The following TBC1D31 variants were observed in gnomAD, a reference collection of about 807,000 sequenced individuals.
The protein encoded by TBC1D31 is TBC1 domain family member 31.
A neutral mutation model predicts 132.9 loss-of-function variants in TBC1D31; 99 were observed. The observed-to-expected ratio is 0.74, with a 90% CI of 0.63 to 0.88. TBC1D31 has a LOEUF of 0.88. TBC1D31 is among the 40% of genes least tolerant of loss of function. The pLI, the probability that TBC1D31 is intolerant of heterozygous loss-of-function variation, is 0.00. For missense variants in TBC1D31, 1,134 were observed against 1,256.6 expected, an observed-to-expected ratio of 0.90 and a Z score of 1.48; for synonymous variants, 385 against 419.4, an observed-to-expected ratio of 0.92 and a Z score of 1.00.
chr8:123,161,749 G>A, the TBC1D31 span, among the ~76,000 whole-genome samples: 1 of 152,020 alleles, frequency 6.6e-6, no homozygotes, highest in Non-Finnish European at 1.5e-5. Context: ...CGGTGCATTG[G>A]CTCACACCTG....
intron 4 of TBC1D31, among the ~76,000 whole-genome samples, chr8:123,085,845 T>C (rs906011379): frequency 3.9e-5 from 6 of 152,246 alleles, no homozygotes; most frequent in Non-Finnish European, 8.8e-5. Flanking sequence ...TTTCCAACTA[T>C]GTAGAAACAT....
intron 2 of TBC1D31, among the ~76,000 whole-genome samples, chr8:123,081,229 C>T (rs1415076611): frequency 2.0e-5 from 3 of 152,162 alleles, no homozygotes; most frequent in African/African-American, 7.2e-5. Context: ...TCATGTTGTG[C>T]TCCCCAGACA....
Position 123,149,956 on chromosome 8 carries a change from C to G in TBC1D31, c.2975-80C>G. The G allele has an allele frequency of 5.1e-6, 5 of 974,092 alleles. No individual in the cohort carries two copies. The South Asian group carries it at 7.5e-5, about 15-fold the overall frequency. 60.3% of individuals were successfully genotyped at this position (974,092 alleles called of 1,614,324 possible). On this transcript the variant is annotated intron_variant, in intron 20 of 21. Transcript: ENST00000287380. Reference sequence around the variant, plus strand: ...TTTTAGCCATCCTTGGTGATTGTAACTTACTAGGGACCATTTGGAATTAGT... The same window carrying G: ...TTTTAGCCATCCTTGGTGATTGTAAGTTACTAGGGACCATTTGGAATTAGT...
chr8:123,144,742 TC>T lies in TBC1D31; in HGVS notation c.2863del (p.Arg955ValfsTer2). On this transcript the variant is annotated frameshift_variant, in exon 20 of 22. Coordinates refer to ENST00000287380, the MANE Select transcript of TBC1D31 (RefSeq NM_145647.4). LOFTEE classifies it high-confidence loss of function. ...KKWKEAEGKEFRLRSAKKASA... is the reference protein window; with the variant it reads ...KKWKEAEGKEXRLRSAKKASA... ...TGGAAGGAAGCTGAAGGAAAAGAGT[TC>T]CGTTTGAGATCAGCAAAGAAAGCTT... is the stretch of plus-strand genomic sequence containing the variant. 1 of 1,606,304 alleles carries T rather than the reference TC, an allele frequency of 6.2e-7. No homozygotes were observed. Among genetic ancestry groups the T allele is most frequent in the Non-Finnish European group, 8.5e-7 (1 of 1,178,250 alleles).
intron 10 of TBC1D31, among the ~76,000 whole-genome samples, chr8:123,110,520 A>G (rs1029286925): frequency 1.2e-4 from 18 of 152,152 alleles, no homozygotes; most frequent in Admixed American, 2.6e-4. Flanking sequence ...AATAATTTTT[A>G]TTATGAAAAA....
chr8:123,128,496 G>A lies in TBC1D31; in HGVS notation c.2100G>A (p.Leu700=), dbSNP rs571729768. Residue 700 remains leucine, a synonymous_variant, in exon 14 of 22, where the codon TTG becomes TTA. Transcript: ENST00000287380. ...QERERIRNDE[L]DYLRERQTVE... ...GAGAAAGAATAAGGAATGATGAATTGGATTACTTAAGAGAGAGGTAATTAT... is the reference window on the plus strand; with the variant it reads ...GAGAAAGAATAAGGAATGATGAATTAGATTACTTAAGAGAGAGGTAATTAT... 1 of 1,603,198 alleles carries A rather than the reference G, an allele frequency of 6.2e-7. No homozygotes were observed. Among genetic ancestry groups the A allele is most frequent in the African/African-American group, 1.3e-5 (1 of 74,722 alleles).
rs769513557 is a variant in TBC1D31 at position 123,084,175 on chromosome 8, A to C, written c.354A>C (p.Leu118=). Residue 118 remains leucine (L), a synonymous_variant, in exon 4 of 22, where the codon CTA becomes CTC. Transcript: ENST00000287380. ...TTTTTACCACAGTCACCAAGGAGCT[A>C]GTTAGCTGGATGAGAGGACATGAAT... ...IKCFDTVTKE[L]VSWMRGHESS... is the part of the protein sequence containing the mutation. 1 of 1,614,102 alleles carries C rather than the reference A, an allele frequency of 6.2e-7. No homozygotes were observed. The highest frequency in any genetic ancestry group is 8.5e-7 in the Non-Finnish European group (1 of 1,179,974).
At chr8:123,131,998 A>G (rs1325216926) in intron 16 of TBC1D31, among the ~76,000 whole-genome samples, 2 of 152,204 alleles carry the variant, frequency 1.3e-5, no homozygotes, top group Non-Finnish European at 2.9e-5. Context: ...CTGTCAGGTT[A>G]GCTTACTTAT....
rs758646380 is a variant in TBC1D31 at position 123,126,204 on chromosome 8, G to T, written c.1704+15G>T. ...TAACCTCCCAGGTAAGAAGCATAAG[G>T]TTTTTAGAATAACATGCCTTATTTT... On this transcript the variant is annotated intron_variant, in intron 12 of 21. Coordinates refer to ENST00000287380, the MANE Select transcript of TBC1D31 (RefSeq NM_145647.4). 6.3e-7 allele frequency: 1 copy of T among 1,595,910 alleles called. No individual in the cohort carries two copies. Among genetic ancestry groups the T allele is most frequent in the South Asian group, 1.2e-5 (1 of 86,160 alleles).
At chr8:123,080,773 G>A (rs1757700176) in intron 2 of TBC1D31, among the ~76,000 whole-genome samples, 2 of 152,084 alleles carry the variant, frequency 1.3e-5, no homozygotes, top group South Asian at 4.1e-4. Context: ...CTGACCTCGT[G>A]ATCCGCCCGC....
chr8:123,137,368 C>T (rs1433017893), intron 17 of TBC1D31, among the ~76,000 whole-genome samples: 1 of 152,202 alleles, frequency 6.6e-6, no homozygotes, highest in Non-Finnish European at 1.5e-5. Flanking sequence ...CAGTGATTCA[C>T]TAGGACTCAC....
chr8:123,090,075 T>G (rs935400396), intron 4 of TBC1D31, among the ~76,000 whole-genome samples: 1 of 152,242 alleles, frequency 6.6e-6, no homozygotes, highest in Non-Finnish European at 1.5e-5. Context: ...CCGCTGATTT[T>G]TGTAAGCAGT....
chr8:123,097,449 A>G lies in TBC1D31; in HGVS notation c.831+8A>G, dbSNP rs985604132. The G allele has an allele frequency of 6.2e-7, 1 of 1,613,928 alleles. No homozygotes were observed. Among genetic ancestry groups the G allele is most frequent in the African/African-American group, 1.3e-5 (1 of 75,044 alleles). On this transcript the variant is annotated splice_region_variant and intron_variant, in intron 6 of 21. Coordinates refer to ENST00000287380, the MANE Select transcript of TBC1D31 (RefSeq NM_145647.4). ...GATGCTGGTTCTAATCAGGTTAGTA[A>G]CATAAATGTAGGGCACTGTACTTTT... is the stretch of plus-strand genomic sequence containing the variant.
chr8:123,131,824 A>G (rs1312088454), intron 16 of TBC1D31, among the ~76,000 whole-genome samples: 3 of 152,168 alleles, frequency 2.0e-5, no homozygotes, highest in Non-Finnish European at 4.4e-5. Flanking sequence ...CATCAGTCTT[A>G]ATATTTGCCA....
intron 4 of TBC1D31, among the ~76,000 whole-genome samples, chr8:123,087,762 G>A (rs536485140): frequency 1.9e-4 from 29 of 152,288 alleles, no homozygotes; most frequent in Admixed American, 1.1e-3. Context: ...TTAAAAATTA[G>A]GACTGTGGAA....
At chr8:123,074,492 T>C (rs1343820586) in intron 1 of TBC1D31, among the ~76,000 whole-genome samples, 1 of 152,228 alleles carries the variant, frequency 6.6e-6, no homozygotes, top group Non-Finnish European at 1.5e-5. Flanking sequence ...TTTTTCATTT[T>C]CAAATTCTGA....
intron 1 of TBC1D31, among the ~76,000 whole-genome samples, 199 bp from the exon 2 acceptor site, chr8:123,076,912 C>T (rs542314545): frequency 6.6e-6 from 1 of 152,250 alleles, no homozygotes; most frequent in East Asian, 1.9e-4. Flanking sequence ...AATGAATAAA[C>T]AGTAGCTATT....
intron 8 of TBC1D31, 29 bp from the exon 9 acceptor site, chr8:123,109,288 A>T: frequency 6.8e-7 from 1 of 1,479,834 alleles, no homozygotes; most frequent in Non-Finnish European, 9.3e-7. Flanking sequence ...TGATTGTGTC[A>T]TTTATTAATA....
At chr8:123,141,944 T>G (rs7004974) in intron 18 of TBC1D31, among the ~76,000 whole-genome samples, 30,263 of 134,944 alleles carry the variant, frequency 0.22, 3,155 homozygotes, top group African/African-American at 0.27. Context: ...CACTGCAACC[T>G]CCACCTCCTG....
Sources: gnomAD v4.1 joint callset for allele counts (sites outside exome capture counted in the v4.1 genomes callset) on GRCh38, gnomAD v4.1.1 for gene constraint, MANE v1.5 for transcripts, NCBI Gene and HGNC (gene_info 2026-07-23, HGNC 2026-07-21) for gene names.